The following GRID2 variants were observed in gnomAD, a reference collection of about 807,000 sequenced individuals.
GRID2 encodes glutamate receptor ionotropic, delta-2.
GRID2 carries 33 observed loss-of-function variants against 114.8 expected under a neutral mutation model. That is an observed-to-expected ratio of 0.29 (90% CI 0.22 to 0.38). The LOEUF (loss-of-function observed/expected upper bound fraction) is 0.38, where lower values mean the gene tolerates loss of function less well. Among genes scored for constraint, GRID2 ranks in the 10% least tolerant of loss-of-function variants. The probability of loss-of-function intolerance (pLI) is 1.00; values close to 1 mark genes in which losing one functional copy is unlikely to be tolerated. For missense variants in GRID2, 1,184 were observed against 1,257.7 expected, an observed-to-expected ratio of 0.94 and a Z score of 0.89; for synonymous variants, 505 against 449.9, an observed-to-expected ratio of 1.12 and a Z score of -1.55.
intron 15 of GRID2, among the ~76,000 whole-genome samples, chr4:93,771,532 G>A (rs918652623): frequency 2.6e-5 from 4 of 151,978 alleles, no homozygotes; most frequent in Admixed American, 6.6e-5. Context: ...CTAAACAATC[G>A]CACATATCCT....
chr4:92,351,140 T>C (rs539193531), intron 1 of GRID2, among the ~76,000 whole-genome samples: 1 of 152,054 alleles, frequency 6.6e-6, no homozygotes, highest in East Asian at 1.9e-4. Flanking sequence ...TTAATATTTG[T>C]ATACAAGATT....
chr4:93,728,595 C>G (rs1049285677), intron 14 of GRID2, among the ~76,000 whole-genome samples: 1 of 152,126 alleles, frequency 6.6e-6, no homozygotes, highest in Non-Finnish European at 1.5e-5. Flanking sequence ...GTGTTAAAGT[C>G]TCCCATTATT....
chr4:92,935,360 G>A (rs1348233326), intron 2 of GRID2, among the ~76,000 whole-genome samples: 2 of 146,832 alleles, frequency 1.4e-5, no homozygotes, highest in Admixed American at 7.4e-5. Context: ...AGTTAGAATG[G>A]CAATCATTAA....
chr4:93,683,578 TG>T (rs1460721955), intron 14 of GRID2, among the ~76,000 whole-genome samples: 1 of 152,122 alleles, frequency 6.6e-6, no homozygotes, highest in Non-Finnish European at 1.5e-5. Context: ...ATTTTTATTT[TG>T]TTTAGCTAAA....
At chr4:93,677,630 C>T (rs776062095) in intron 14 of GRID2, among the ~76,000 whole-genome samples, 62 of 152,090 alleles carry the variant, frequency 4.1e-4, no homozygotes, top group Admixed American at 1.9e-3. Flanking sequence ...CATGAAAATC[C>T]GCGGTTCTGC....
chr4:92,847,113 T>C (rs1743382880), intron 2 of GRID2, among the ~76,000 whole-genome samples: 1 of 152,122 alleles, frequency 6.6e-6, no homozygotes, highest in Admixed American at 6.6e-5. Context: ...TGGAATATGT[T>C]GCTAAACATA....
At chr4:93,327,332 G>A (rs1395706796) in intron 8 of GRID2, among the ~76,000 whole-genome samples, 1 of 152,042 alleles carries the variant, frequency 6.6e-6, no homozygotes, top group African/African-American at 2.4e-5. Flanking sequence ...TACCCACAAT[G>A]GATTTTCCCT....
At chr4:93,121,349 G>A (rs942928361) in intron 4 of GRID2, among the ~76,000 whole-genome samples, 1 of 152,070 alleles carries the variant, frequency 6.6e-6, no homozygotes, top group African/African-American at 2.4e-5. Context: ...CTCCCCAAAG[G>A]TATCCTGACT....
intron 2 of GRID2, among the ~76,000 whole-genome samples, chr4:92,723,424 G>A (rs2149318977): frequency 6.6e-6 from 1 of 152,210 alleles, no homozygotes; most frequent in South Asian, 2.1e-4. Flanking sequence ...GTTGTGTAAT[G>A]TATCAGCATT....
chr4:92,480,558 A>G (rs1362312707), intron 1 of GRID2, among the ~76,000 whole-genome samples: 1 of 152,026 alleles, frequency 6.6e-6, no homozygotes, highest in Non-Finnish European at 1.5e-5. Context: ...GTATTCTCTC[A>G]CAGGTCTCAA....
intron 4 of GRID2, among the ~76,000 whole-genome samples, chr4:93,186,707 G>T (rs1019649736): frequency 6.6e-6 from 1 of 151,848 alleles, no homozygotes; most frequent in Non-Finnish European, 1.5e-5. Context: ...GATATACTAA[G>T]TTGCAAGATG....
chr4:92,768,127 AATT>A (rs1392066077), intron 2 of GRID2, among the ~76,000 whole-genome samples: 2 of 152,128 alleles, frequency 1.3e-5, no homozygotes, highest in African/African-American at 2.4e-5. Context: ...AATGTCATGA[AATT>A]ATTTTCTTTT....
At chr4:93,623,035 A>C in intron 13 of GRID2, among the ~76,000 whole-genome samples, 1 of 152,292 alleles carries the variant, frequency 6.6e-6, no homozygotes, top group South Asian at 2.1e-4. Context: ...TTTTTGCAAT[A>C]ATCACCTGTC....
At chr4:92,538,967 G>C (rs927592817) in intron 1 of GRID2, among the ~76,000 whole-genome samples, 5 of 151,608 alleles carry the variant, frequency 3.3e-5, no homozygotes, top group African/African-American at 1.2e-4. Flanking sequence ...GCGTGAGCCT[G>C]GGAGGCGCAG....
At chr4:93,347,658 A>G (rs895137220) in intron 8 of GRID2, among the ~76,000 whole-genome samples, 1 of 152,090 alleles carries the variant, frequency 6.6e-6, no homozygotes, top group Non-Finnish European at 1.5e-5. Flanking sequence ...CGCTTTCCAT[A>G]TATTTGCTAA....
intron 14 of GRID2, among the ~76,000 whole-genome samples, chr4:93,651,565 C>G (rs1468335201): frequency 2.0e-5 from 3 of 152,106 alleles, no homozygotes; most frequent in African/African-American, 7.2e-5. Flanking sequence ...CCTCAATATT[C>G]CCACTTGTAT....
chr4:93,041,264 C>G (rs575074306), intron 2 of GRID2, among the ~76,000 whole-genome samples: 19 of 152,060 alleles, frequency 1.2e-4, no homozygotes, highest in Admixed American at 5.2e-4. Context: ...ATGTATAAAT[C>G]AAAGTATAAA....
At chr4:93,496,359 T>C (rs1192760498) in intron 12 of GRID2, among the ~76,000 whole-genome samples, 1 of 151,760 alleles carries the variant, frequency 6.6e-6, no homozygotes, top group African/African-American at 2.4e-5. Flanking sequence ...GCATATTAAG[T>C]GATTATACTA....
chr4:92,960,440 A>T (rs1722788709), intron 2 of GRID2, among the ~76,000 whole-genome samples: 1 of 152,002 alleles, frequency 6.6e-6, no homozygotes, highest in South Asian at 2.1e-4. Context: ...ATTCCGATGC[A>T]ATGCTGTTAA....
Sources: gnomAD v4.1 joint callset for allele counts (sites outside exome capture counted in the v4.1 genomes callset) on GRCh38, gnomAD v4.1.1 for gene constraint, MANE v1.5 for transcripts, NCBI Gene and HGNC (gene_info 2026-07-23, HGNC 2026-07-21) for gene names.